STXBP3: variants seen among roughly 807,000 people sequenced by gnomAD.
The protein encoded by STXBP3 is syntaxin-binding protein 3.
A neutral mutation model predicts 85.7 loss-of-function variants in STXBP3; 41 were observed. The ratio of observed to expected loss-of-function variants is 0.48; its 90% confidence interval spans 0.37 to 0.62. STXBP3 has a LOEUF of 0.62. Among genes scored for constraint, STXBP3 ranks in the 20% least tolerant of loss-of-function variants. The pLI, the probability that STXBP3 is intolerant of heterozygous loss-of-function variation, is 0.00. For missense variants in STXBP3, 563 were observed against 703.1 expected, an observed-to-expected ratio of 0.80 and a Z score of 2.25; for synonymous variants, 229 against 231.7, an observed-to-expected ratio of 0.99 and a Z score of 0.10.
chr1:108,752,513 G>A (rs112123717), intron 2 of STXBP3, among the ~76,000 whole-genome samples: 51 of 152,142 alleles, frequency 3.4e-4, no homozygotes, highest in African/African-American at 1.2e-3. Flanking sequence ...TGGATTTTTG[G>A]TATACACAGG....
In STXBP3 at chr1:108,759,990, C is replaced by T; in HGVS notation, c.343C>T (p.Pro115Ser). The T allele has an allele frequency of 6.4e-7, 1 of 1,558,046 alleles. No individual in the cohort carries two copies. Among genetic ancestry groups the T allele is most frequent in the Non-Finnish European group, 8.6e-7 (1 of 1,156,904 alleles). The change falls in exon 6 of 19, where the codon CCT (proline) becomes TCT (serine). Residue 115 changes from proline (P) to serine (S), a missense_variant. This residue lies in a region of STXBP3 where 494 missense variants were observed against 592.8 expected (regional missense o/e 0.83). Coordinates refer to ENST00000370008, the MANE Select transcript of STXBP3 (RefSeq NM_007269.4). ...AAYIYFTDFC[P>S]DNLFNKIKAS... ...TTGTTTTTTTTTCCCCTCAGTTTGCCCTGATAATCTCTTTAACAAAATTAA... is the reference window on the plus strand; with the variant it reads ...TTGTTTTTTTTTCCCCTCAGTTTGCTCTGATAATCTCTTTAACAAAATTAA...
chr1:108,799,861 T>C (rs1417619574), intron 16 of STXBP3, among the ~76,000 whole-genome samples: 3 of 152,112 alleles, frequency 2.0e-5, no homozygotes, highest in African/African-American at 4.8e-5. Flanking sequence ...CCCTAGGCCA[T>C]AGCAGTAGTA....
At chr1:108,765,730 G>A (rs940419164) in intron 6 of STXBP3, among the ~76,000 whole-genome samples, 4 of 151,468 alleles carry the variant, frequency 2.6e-5, no homozygotes, top group Non-Finnish European at 4.4e-5. Flanking sequence ...ACCCCCACGC[G>A]GGGCTAATGT....
intron 11 of STXBP3, among the ~76,000 whole-genome samples, chr1:108,788,629 C>T (rs767420422): frequency 2.0e-5 from 3 of 152,006 alleles, no homozygotes; most frequent in Non-Finnish European, 2.9e-5. Context: ...TTTGGGATAT[C>T]GCATTTTTCA....
At chr1:108,760,162 TC>T in intron 6 of STXBP3, 77 bp downstream of exon 6, 1 of 764,650 alleles carries the variant, frequency 1.3e-6, no homozygotes, top group East Asian at 2.9e-5. Flanking sequence ...TAAAGTATAT[TC>T]TGAAGATATT....
intron 15 of STXBP3, 61 bp downstream of exon 15, chr1:108,796,787 T>A: frequency 7.8e-7 from 1 of 1,290,176 alleles, no homozygotes; most frequent in Non-Finnish European, 1.0e-6. Flanking sequence ...TTGTATGTAT[T>A]AACTGTTTTT....
chr1:108,795,043 C>T, intron 13 of STXBP3, 136 bp downstream of exon 13: 2 of 639,124 alleles, frequency 3.1e-6, no homozygotes, highest in Admixed American at 2.9e-5. Context: ...AGGGGAGCCA[C>T]CTAGGCAGTA....
At chr1:108,797,474 A>G (rs1195179419) in intron 15 of STXBP3, among the ~76,000 whole-genome samples, 1 of 135,602 alleles carries the variant, frequency 7.4e-6, no homozygotes, top group African/African-American at 2.8e-5. Flanking sequence ...GTGCAGTGGC[A>G]TGACCTCGGC....
intron 17 of STXBP3, 27 bp from the exon 18 acceptor site, chr1:108,807,374 C>CA (rs1663362037): frequency 8.5e-7 from 1 of 1,179,646 alleles, no homozygotes. Flanking sequence ...AACATGTTTA[C>CA]TTTTTTTTTT....
chr1:108,768,583 G>A (rs1280256688), intron 6 of STXBP3, among the ~76,000 whole-genome samples: 1 of 152,178 alleles, frequency 6.6e-6, no homozygotes, highest in Non-Finnish European at 1.5e-5. Context: ...AGGAATGAAA[G>A]ATAGGCTCTC....
chr1:108,758,651 T>G, intron 5 of STXBP3, 63 bp downstream of exon 5: 2 of 947,458 alleles, frequency 2.1e-6, no homozygotes, highest in Non-Finnish European at 3.0e-6. Flanking sequence ...AACTGTCGAC[T>G]TTTTAAAAAT....
chr1:108,798,903 T>C (rs1663173023), intron 16 of STXBP3, among the ~76,000 whole-genome samples: 1 of 152,252 alleles, frequency 6.6e-6, no homozygotes, highest in African/African-American at 2.4e-5. Context: ...TAAAAAGTAT[T>C]AGATGCCAAT....
intron 6 of STXBP3, among the ~76,000 whole-genome samples, chr1:108,766,311 T>C (rs2101111208): frequency 6.6e-6 from 1 of 152,264 alleles, no homozygotes; most frequent in South Asian, 2.1e-4. Context: ...ATGGTTTATG[T>C]TTTAAAAAGA....
At chr1:108,772,862 C>A in intron 7 of STXBP3, 43 bp downstream of exon 7, 1 of 1,457,626 alleles carries the variant, frequency 6.9e-7, no homozygotes, top group South Asian at 1.5e-5. Context: ...TCCTATTTAC[C>A]ATTCATTATA....
At chr1:108,761,542 A>C (rs543300880) in intron 6 of STXBP3, among the ~76,000 whole-genome samples, 1 of 152,300 alleles carries the variant, frequency 6.6e-6, no homozygotes, top group Non-Finnish European at 1.5e-5. Context: ...CTGTCTTTGC[A>C]TGTCTAGAGA....
At chr1:108,771,575 GATATATATCTATATATATC>G (rs1662421684) in intron 6 of STXBP3, among the ~76,000 whole-genome samples, 1 of 25,022 alleles carries the variant, frequency 4.0e-5, no homozygotes, top group East Asian at 4.0e-4. Flanking sequence ...AAATATATAT[GATATATATCTATATATATC>G]ATATATAAAT....
rs1353421411 is a variant in STXBP3, at chr1:108,801,660, T to TA, written c.1535+1355_1535+1356insA. On this transcript the variant is annotated intron_variant, in intron 17 of 18. Coordinates refer to ENST00000370008, the MANE Select transcript of STXBP3 (RefSeq NM_007269.4). ...TTAAGTCTCCCTCCTTTTTTTAATT[T>TA]TTTTTTTTTTTTTAAATAGAGGCAA... is the stretch of plus-strand genomic sequence containing the variant. Among the ~76,000 whole-genome samples the TA allele has an allele frequency of 3.3e-5, 5 of 151,268 alleles. No homozygotes were observed. The East Asian group carries it at 5.9e-4, about 18-fold the overall frequency.
intron 11 of STXBP3, among the ~76,000 whole-genome samples, chr1:108,787,765 A>G (rs1053124074): frequency 1.3e-5 from 2 of 151,722 alleles, no homozygotes; most frequent in African/African-American, 2.4e-5. Context: ...ACAGGTTTTT[A>G]TGTGTTTCTG....
Position 108,798,128 on chromosome 1 carries a change from T to C in STXBP3, c.1357-17T>C, listed in dbSNP as rs1663149988. The C allele has an allele frequency of 6.4e-7, 1 of 1,571,820 alleles. No individual in the cohort carries two copies. Among genetic ancestry groups the C allele is most frequent in the Non-Finnish European group, 8.6e-7 (1 of 1,162,102 alleles). ...TAGAATTACTGGTTTTTAATTTTTT[T>C]CCTCTAATTGTATTAGTCTCAACAA... On this transcript the variant is annotated splice_polypyrimidine_tract_variant and intron_variant, in intron 15 of 18. Coordinates refer to ENST00000370008, the MANE Select transcript of STXBP3 (RefSeq NM_007269.4).
Sources: gnomAD v4.1 joint callset for allele counts (sites outside exome capture counted in the v4.1 genomes callset) on GRCh38, gnomAD v4.1.1 for gene constraint, gnomAD v4.1.1 regional missense constraint, MANE v1.5 for transcripts, NCBI Gene and HGNC (gene_info 2026-07-23, HGNC 2026-07-21) for gene names.